Variants in MROH1 observed in about 807,000 individuals in gnomAD.
MROH1 encodes maestro heat like repeat family member 1, also known as maestro heat-like repeat-containing protein family member 1.
Under a neutral mutation model 116.5 loss-of-function variants are expected in MROH1, and 117 were observed. The observed-to-expected ratio is 1.00, with a 90% CI of 0.86 to 1.17. MROH1 has a LOEUF of 1.17. MROH1 is among the 50% of genes most tolerant of loss of function. MROH1 has a pLI of 0.00. For synonymous variants in MROH1, 921 were observed against 583.9 expected, an observed-to-expected ratio of 1.58 and a Z score of -8.32; for missense variants, 1,873 against 1,338.5, an observed-to-expected ratio of 1.40 and a Z score of -6.23.
intron 35 of MROH1, among the ~76,000 whole-genome samples, chr8:144,256,377 G>C (rs1317929325): frequency 2.2e-5 from 3 of 133,618 alleles, no homozygotes; most frequent in Admixed American, 7.2e-5. Context: ...ACACACCAGG[G>C]GGACAGCCTC....
intron 10 of MROH1, among the ~76,000 whole-genome samples, chr8:144,196,029 G>A (rs944351938): frequency 2.6e-5 from 4 of 152,000 alleles, no homozygotes; most frequent in South Asian, 2.1e-4. Flanking sequence ...AGTGGCTCAC[G>A]CCTGTAATCC....
At chr8:144,246,614 T>C (rs1841968147) in intron 29 of MROH1, among the ~76,000 whole-genome samples, 3 of 152,196 alleles carry the variant, frequency 2.0e-5, no homozygotes, top group African/African-American at 7.2e-5. Context: ...CATTCCAGCC[T>C]TTCCCTTCTG....
At chr8:144,151,862 A>G (rs1816885638) in intron 1 of MROH1, among the ~76,000 whole-genome samples, 1 of 152,204 alleles carries the variant, frequency 6.6e-6, no homozygotes, top group Admixed American at 6.5e-5. Context: ...GACGGGGACA[A>G]GGGGACCTTT....
At position 144,260,173 on chromosome 8, in the gene MROH1, A is replaced by G. The variant is rs1844752263; in HGVS notation, c.4192-13A>G. ...TGACTCTGGGACCCAGGCTGAGTGT[A>G]AGGTATCCTCAGGTGCGAACCCACG... On this transcript the variant is annotated splice_polypyrimidine_tract_variant and intron_variant, in intron 38 of 43. Coordinates refer to ENST00000326134, the MANE Select transcript of MROH1 (RefSeq NM_032450.3). 1 of 764,384 alleles carries G rather than the reference A, an allele frequency of 1.3e-6. No individual in the cohort carries two copies. The highest frequency in any genetic ancestry group is 2.4e-6 in the Non-Finnish European group (1 of 417,512). The allele number at this position is 764,384 out of a possible 1,614,324, so 47.4% of individuals were successfully genotyped here. A position where few individuals can be genotyped will look rare whatever the true frequency, so the allele number is the denominator to read the frequency against.
Position 144,258,919 on chromosome 8 carries a change from G to A in MROH1, c.3929+5G>A. Reference sequence around the variant, plus strand: ...GGGGGCCACCAGGTTGGCCAGGTGAGCGGGCCCAGCCCACTGCAGCTCCAG... The same window carrying A: ...GGGGGCCACCAGGTTGGCCAGGTGAACGGGCCCAGCCCACTGCAGCTCCAG... On this transcript the variant is annotated splice_donor_5th_base_variant and intron_variant, in intron 36 of 43. Coordinates refer to ENST00000326134, the MANE Select transcript of MROH1 (RefSeq NM_032450.3). 2.7e-6 allele frequency: 2 copies of A among 739,322 alleles called. No homozygotes were observed. Among genetic ancestry groups the A allele is most frequent in the Non-Finnish European group, 5.0e-6 (2 of 398,468 alleles). The allele number at this position is 739,322 out of a possible 1,614,324, so 45.8% of individuals were successfully genotyped here.
intron 31 of MROH1, 144 bp downstream of exon 31, chr8:144,247,823 A>G (rs1448921876): frequency 1.5e-6 from 1 of 677,314 alleles, no homozygotes; most frequent in Non-Finnish European, 2.7e-6. Context: ...GGGTGTTTGC[A>G]TTAGTTGCCG....
At position 144,163,058 on chromosome 8, in the gene MROH1, T is replaced by C. The variant is rs535555821; in HGVS notation, c.-56-713T>C. ...GATTTCTTACTTCGCCTCCAACCCA[T>C]GTGTGCACAGCGCAGGGAGGTGTCC... On this transcript the variant is annotated intron_variant, in intron 2 of 43. Coordinates refer to ENST00000326134, the MANE Select transcript of MROH1 (RefSeq NM_032450.3). This position sits in a 1 kb window ranked among gnomAD's most constrained non-coding sequence, Gnocchi z 4.4. Among the ~76,000 whole-genome samples, 1 of 152,174 alleles carries C rather than the reference T, an allele frequency of 6.6e-6. No homozygotes were observed. Among genetic ancestry groups the C allele is most frequent in the Non-Finnish European group, 1.5e-5 (1 of 68,036 alleles).
chr8:144,230,801 T>C (rs1838710829), intron 14 of MROH1, among the ~76,000 whole-genome samples: 1 of 141,954 alleles, frequency 7.0e-6, no homozygotes, highest in Non-Finnish European at 1.5e-5. Context: ...TAAAAGGTTT[T>C]CTTTTTTTTT....
intron 1 of MROH1, among the ~76,000 whole-genome samples, chr8:144,153,544 CTTTGT>C (rs1817355823): frequency 6.6e-6 from 1 of 152,088 alleles, no homozygotes; most frequent in Non-Finnish European, 1.5e-5. Flanking sequence ...ACCACATTTT[CTTTGT>C]TTTATTTTTA....
At chr8:144,222,059 GCAGATTCAGGGAC>G (rs1353497205) in intron 13 of MROH1, among the ~76,000 whole-genome samples, 4 of 61,922 alleles carry the variant, frequency 6.5e-5, no homozygotes, top group Non-Finnish European at 1.3e-4. Flanking sequence ...GGTGACAACT[GCAGATTCAGGGAC>G]CAGATTTATG....
chr8:144,179,410 G>A (rs1460304998), intron 4 of MROH1, 45 bp from the exon 5 acceptor site: 2 of 1,605,474 alleles, frequency 1.2e-6, no homozygotes, highest in Non-Finnish European at 1.7e-6. Context: ...GAGTGTCTGG[G>A]TGTGGGGCTC....
In MROH1 at chr8:144,261,772, G is replaced by A. The variant is rs1208140524; in HGVS notation, c.*32G>A. On this transcript the variant is annotated 3_prime_UTR_variant, in exon 44 of 44. Transcript: ENST00000326134. The stretch of plus-strand genomic sequence containing the variant: ...GGCCAGCACCCCCAGCGAGGAGTAT[G>A]CACCCAGACCTGTGCCTGAGCTCCA... The A allele has an allele frequency of 1.4e-6, 1 of 702,830 alleles. No individual in the cohort carries two copies. Among genetic ancestry groups the A allele is most frequent in the Non-Finnish European group, 2.6e-6 (1 of 385,438 alleles). 43.5% of individuals were successfully genotyped at this position (702,830 alleles called of 1,614,324 possible). A position where few individuals can be genotyped will look rare whatever the true frequency, so the allele number is the denominator to read the frequency against.
chr8:144,162,330 G>A (rs549862030), intron 2 of MROH1, among the ~76,000 whole-genome samples: 9 of 150,958 alleles, frequency 6.0e-5, no homozygotes, highest in Admixed American at 4.0e-4. Context: ...CAGATGATCC[G>A]CCCGCCTCAG....
chr8:144,154,099 C>G (rs1190079400), intron 1 of MROH1, among the ~76,000 whole-genome samples: 1 of 151,880 alleles, frequency 6.6e-6, no homozygotes, highest in Non-Finnish European at 1.5e-5. Flanking sequence ...GAGCCTGGCT[C>G]TGTTGCCCAG....
intron 7 of MROH1, among the ~76,000 whole-genome samples, chr8:144,189,811 G>A (rs1341541274): frequency 6.6e-6 from 1 of 152,236 alleles, no homozygotes; most frequent in African/African-American, 2.4e-5. Flanking sequence ...GGATGGGTGG[G>A]CGTGGCACTG....
chr8:144,241,069 G>A lies in MROH1; in HGVS notation c.2013G>A (p.Glu671=). 1.3e-6 allele frequency: 1 copy of A among 775,430 alleles called. No individual in the cohort carries two copies. Among genetic ancestry groups the A allele is most frequent in the South Asian group, 1.4e-5 (1 of 73,454 alleles). 48.0% of individuals were successfully genotyped at this position (775,430 alleles called of 1,614,324 possible). ...AGGTGGTGAGGAAGCACCTTCAAGA[G>A]CTGCTGGAGACGGCCAGATACCAGG... ...SKEVVRKHLQ[E]LLETARYQEE... Residue 671 remains glutamate (E), a synonymous_variant, in exon 21 of 44, where the codon GAG becomes GAA. Transcript: ENST00000326134.
chr8:144,197,359 G>T (rs1487607047), intron 10 of MROH1, among the ~76,000 whole-genome samples: 3 of 149,806 alleles, frequency 2.0e-5, no homozygotes, highest in African/African-American at 7.4e-5. Flanking sequence ...CCCACAACAT[G>T]GTGGCTAGCT....
chr8:144,261,823 C>T lies in MROH1; in HGVS notation c.*83C>T. The T allele has an allele frequency of 2.9e-6, 2 of 700,410 alleles. No homozygotes were observed. The highest frequency in any genetic ancestry group is 3.0e-5 in the South Asian group (2 of 67,358). The allele number at this position is 700,410 out of a possible 1,614,324, so 43.4% of individuals were successfully genotyped here. On this transcript the variant is annotated 3_prime_UTR_variant, in exon 44 of 44. Coordinates refer to ENST00000326134, the MANE Select transcript of MROH1 (RefSeq NM_032450.3). Reference sequence around the variant, plus strand: ...AGACAGGGCCTCCTGAGGACCACAGCCTGGGCACACGACTGGAGGGGCCTG... The same window carrying T: ...AGACAGGGCCTCCTGAGGACCACAGTCTGGGCACACGACTGGAGGGGCCTG...
intron 14 of MROH1, among the ~76,000 whole-genome samples, chr8:144,232,988 G>A (rs1839238849): frequency 6.6e-6 from 1 of 151,676 alleles, no homozygotes; most frequent in African/African-American, 2.4e-5. Flanking sequence ...CACCACACCT[G>A]GCTAATATTA....
Sources: allele counts gnomAD v4.1 joint callset (sites outside exome capture counted in the v4.1 genomes callset), GRCh38; gene constraint gnomAD v4.1.1; non-coding constraint Gnocchi (gnomAD v3.1); transcripts MANE v1.5; gene names NCBI Gene and HGNC (gene_info 2026-07-23, HGNC 2026-07-21).